FSTL5: variants seen among roughly 807,000 people sequenced by gnomAD.
FSTL5 encodes follistatin-related protein 5.
Under a neutral mutation model 89.1 loss-of-function variants are expected in FSTL5, and 62 were observed. The observed-to-expected ratio is 0.70, with a 90% CI of 0.57 to 0.86. The LOEUF (loss-of-function observed/expected upper bound fraction) is 0.86, where lower values mean the gene tolerates loss of function less well. Ranked by LOEUF, FSTL5 falls within the 40% of genes least tolerant of loss-of-function variation. The pLI is 0.00. For missense variants in FSTL5, 1,057 were observed against 1,001.6 expected (o/e 1.06, Z -0.75); for synonymous variants, 383 against 346.2 (o/e 1.11, Z -1.18).
In FSTL5 at chr4:162,150,953, CAT is replaced by C. The variant is rs1579066847; in HGVS notation, c.-17+12660_-17+12661del. On this transcript the variant is annotated intron_variant, in intron 1 of 15. Transcript: ENST00000306100. ...GCCTTAATGTAATCTCAATAAATCA[CAT>C]GTGCTGCAGTTAAATTTAAATTTCA... is the stretch of plus-strand genomic sequence containing the variant. 4.6e-5 allele frequency among the ~76,000 whole-genome samples: 7 copies of C among 152,226 alleles called. No homozygotes were observed. In the South Asian group the frequency reaches 1.2e-3, roughly 27 times the overall value.
chr4:161,412,207 ATACAT>A (rs989434737), intron 15 of FSTL5, among the ~76,000 whole-genome samples: 10 of 152,126 alleles, frequency 6.6e-5, no homozygotes, highest in Admixed American at 1.3e-4. Context: ...ATTAATAGAA[ATACAT>A]TACATGCTCG....
chr4:162,000,205 T>C (rs1353571681), intron 3 of FSTL5, among the ~76,000 whole-genome samples: 1 of 152,178 alleles, frequency 6.6e-6, no homozygotes, highest in Non-Finnish European at 1.5e-5. Context: ...AAATTGCAGA[T>C]TGAATAATTT....
At chr4:161,499,554 A>G (rs1373508096) in intron 12 of FSTL5, among the ~76,000 whole-genome samples, 1 of 152,168 alleles carries the variant, frequency 6.6e-6, no homozygotes, top group Non-Finnish European at 1.5e-5. Flanking sequence ...ATTTATCTGA[A>G]TTGTCCATTC....
rs1052134161 is a variant in FSTL5 at position 161,491,562 on chromosome 4, T to C, written c.1458+8454A>G. ...AACACTTAGGAGACAGCCAACAGGC[T>C]GGGCATGGTGGCTCATGCCTGTAAC... On this transcript the variant is annotated intron_variant, in intron 12 of 15. Transcript: ENST00000306100. Among the ~76,000 whole-genome samples the C allele has an allele frequency of 2.6e-5, 4 of 152,178 alleles. No individual in the cohort carries two copies. The East Asian group carries it at 5.8e-4, about 22-fold the overall frequency.
chr4:161,618,175 T>G (rs1455351499), intron 7 of FSTL5, among the ~76,000 whole-genome samples: 1 of 142,544 alleles, frequency 7.0e-6, no homozygotes, highest in Non-Finnish European at 1.5e-5. Flanking sequence ...ATTGATTTTG[T>G]ATCCTGAGAC....
intron 6 of FSTL5, among the ~76,000 whole-genome samples, chr4:161,713,416 C>T (rs1057206267): frequency 2.6e-4 from 40 of 152,134 alleles, no homozygotes; most frequent in African/African-American, 9.7e-4. Context: ...AGTTGGGTAA[C>T]ACAAGGTCCA....
chr4:161,990,560 A>T (rs1258089018), intron 3 of FSTL5, among the ~76,000 whole-genome samples: 1 of 152,130 alleles, frequency 6.6e-6, no homozygotes, highest in African/African-American at 2.4e-5. Flanking sequence ...ACGTTAACTT[A>T]TATGCACATA....
At chr4:162,086,310 CCTT>C (rs1730315466) in intron 2 of FSTL5, among the ~76,000 whole-genome samples, 1 of 151,878 alleles carries the variant, frequency 6.6e-6, no homozygotes, top group Admixed American at 6.6e-5. Flanking sequence ...ATTCCCCCCT[CCTT>C]TCTCCCTCTT....
intron 6 of FSTL5, among the ~76,000 whole-genome samples, chr4:161,741,726 C>T (rs572163243): frequency 4.4e-5 from 6 of 136,888 alleles, no homozygotes; most frequent in African/African-American, 1.8e-4. Context: ...CTCACTCTGT[C>T]GCCCAGGCTG....
At chr4:161,723,739 G>T (rs558809787) in intron 6 of FSTL5, among the ~76,000 whole-genome samples, 8 of 152,172 alleles carry the variant, frequency 5.3e-5, no homozygotes, top group Non-Finnish European at 1.2e-4. Context: ...TCATTGCATA[G>T]GACTGATTTC....
intron 2 of FSTL5, among the ~76,000 whole-genome samples, chr4:162,079,134 A>G (rs1264012247): frequency 1.3e-5 from 2 of 151,802 alleles, no homozygotes; most frequent in Non-Finnish European, 2.9e-5. Context: ...TTTGAAAAAT[A>G]TTAATCTACT....
At chr4:161,615,663 G>A (rs542672216) in intron 7 of FSTL5, among the ~76,000 whole-genome samples, 1 of 151,856 alleles carries the variant, frequency 6.6e-6, no homozygotes, top group Non-Finnish European at 1.5e-5. Context: ...ACACGAAAAA[G>A]ATTTAAAGAG....
intron 7 of FSTL5, among the ~76,000 whole-genome samples, chr4:161,652,255 A>G (rs1736367055): frequency 6.6e-6 from 1 of 152,136 alleles, no homozygotes; most frequent in Admixed American, 6.6e-5. Context: ...TGGCCAGCCC[A>G]GAAACCCCAT....
chr4:161,951,043 T>G (rs1048221518), intron 3 of FSTL5, among the ~76,000 whole-genome samples: 11 of 152,054 alleles, frequency 7.2e-5, no homozygotes, highest in Admixed American at 4.6e-4. Flanking sequence ...ACGGCGCCAG[T>G]GTTTTCCGTG....
At chr4:161,652,545 G>A (rs1031912412) in intron 7 of FSTL5, among the ~76,000 whole-genome samples, 7 of 151,988 alleles carry the variant, frequency 4.6e-5, no homozygotes, top group Non-Finnish European at 1.0e-4. Context: ...AGATCATGAG[G>A]TAATATTAAC....
chr4:161,797,830 T>A (rs1449279467), intron 4 of FSTL5, among the ~76,000 whole-genome samples: 1 of 151,652 alleles, frequency 6.6e-6, no homozygotes, highest in Non-Finnish European at 1.5e-5. Context: ...CCAGGAATAT[T>A]ATAAATGAAT....
chr4:161,602,334 C>T (rs186776563), intron 7 of FSTL5, among the ~76,000 whole-genome samples: 1 of 150,010 alleles, frequency 6.7e-6, no homozygotes, highest in Admixed American at 6.6e-5. Flanking sequence ...ATCAGTAGTC[C>T]TGACACATTG....
rs567818207 is a variant in FSTL5, at chr4:161,414,872, T to C, written c.1842-28423A>G. 7.9e-5 allele frequency among the ~76,000 whole-genome samples: 12 copies of C among 152,352 alleles called. No homozygotes were observed. In the South Asian group the frequency reaches 2.3e-3, roughly 29 times the overall value. ...TGGAGTTAGGTCTGGCTTTGAGTCC[T>C]GGTCTCCTATGTCTTAGTTTGTGAC... On this transcript the variant is annotated intron_variant, in intron 15 of 15. Coordinates refer to ENST00000306100, the MANE Select transcript of FSTL5 (RefSeq NM_020116.5).
chr4:161,780,262 A>G (rs1741616397), intron 4 of FSTL5, among the ~76,000 whole-genome samples: 1 of 151,776 alleles, frequency 6.6e-6, no homozygotes, highest in Admixed American at 6.6e-5. Flanking sequence ...CGGTTAATAC[A>G]GAAGAAGAGA....
Sources: gnomAD v4.1 joint callset for allele counts (sites outside exome capture counted in the v4.1 genomes callset) on GRCh38, gnomAD v4.1.1 for gene constraint, MANE v1.5 for transcripts, NCBI Gene and HGNC (gene_info 2026-07-23, HGNC 2026-07-21) for gene names.